ANKMY1: variants seen among roughly 807,000 people sequenced by gnomAD.
The protein encoded by ANKMY1 is ankyrin repeat and MYND domain-containing protein 1.
Under a neutral mutation model 102.0 loss-of-function variants are expected in ANKMY1, and 98 were observed. That is an observed-to-expected ratio of 0.96 (90% CI 0.82 to 1.14). The LOEUF is 1.14. Ranked by LOEUF, ANKMY1 falls within the 50% of genes most tolerant of loss-of-function variation. ANKMY1 has a pLI of 0.00. For synonymous variants in ANKMY1, 582 were observed against 559.9 expected, an observed-to-expected ratio of 1.04 and a Z score of -0.56; for missense variants, 1,330 against 1,347.6, an observed-to-expected ratio of 0.99 and a Z score of 0.20.
rs79780037 is a variant in ANKMY1 at position 240,499,285 on chromosome 2, C to G, written c.2806+673G>C. On this transcript the variant is annotated intron_variant, in intron 15 of 17. Transcript: ENST00000401804. This position sits in a 1 kb window ranked among gnomAD's most constrained non-coding sequence, Gnocchi z 4.2. ...AGTGTGTGTGGATGTGTAAGTGGGT[C>G]TGTGTGTGCGAGGTAGACAAGAGTA... is the stretch of plus-strand genomic sequence containing the variant. Among the ~76,000 whole-genome samples, 10,735 of 146,024 alleles carry G rather than the reference C, an allele frequency of 0.074. 472 individuals are homozygous for G. The highest frequency in any genetic ancestry group is 0.16 in the South Asian group (724 of 4,398).
At chr2:240,473,270 C>T in the ANKMY1 span, among the ~76,000 whole-genome samples, 1 of 148,330 alleles carries the variant, frequency 6.7e-6, no homozygotes, top group African/African-American at 2.5e-5. Flanking sequence ...ATAACTGAGA[C>T]AACCAAAAAA....
chr2:240,482,218 G>A lies in ANKMY1; in HGVS notation c.2850C>T (p.Ser950=). The A allele has an allele frequency of 6.2e-7, 1 of 1,612,918 alleles. No homozygotes were observed. Among genetic ancestry groups the A allele is most frequent in the South Asian group, 1.1e-5 (1 of 90,776 alleles). The part of the protein sequence containing the change: ...PSHRMKKKGP[S]LPRGLDVKEQ... ...CCTTCACATCCAGGCCCCTGGGCAG[G>A]CTGGGGCCCTTCTTCTTCATCCTGT... The change falls in exon 16 of 18, where the codon AGC becomes AGT. Residue 950 remains serine (S), a synonymous_variant. Coordinates refer to ENST00000401804, the MANE Select transcript of ANKMY1 (RefSeq NM_001282771.3).
intron 8 of ANKMY1, among the ~76,000 whole-genome samples, chr2:240,521,106 G>T (rs1017443781): frequency 3.9e-5 from 6 of 152,008 alleles, no homozygotes; most frequent in South Asian, 2.1e-4. Context: ...GTGGGTGGGG[G>T]TTGTGCAGCC....
At position 240,520,304 on chromosome 2, in the gene ANKMY1, G is replaced by A. The variant is rs558374228; in HGVS notation, c.2004+58C>T. 1.3e-5 allele frequency: 20 copies of A among 1,489,746 alleles called. No individual in the cohort carries two copies. In the African/African-American group the frequency reaches 2.2e-4, roughly 17 times the overall value. 92.3% of individuals were successfully genotyped at this position (1,489,746 alleles called of 1,614,324 possible). ...GCCTAGGTGGAGCGAGGAGCTTCCC[G>A]GCCAGTGCCCGGGAGTCTGCTGCGC... is the stretch of plus-strand genomic sequence containing the variant. On this transcript the variant is annotated intron_variant, in intron 9 of 17. Coordinates refer to ENST00000401804, the MANE Select transcript of ANKMY1 (RefSeq NM_001282771.3). This position sits in a 1 kb window ranked among gnomAD's most constrained non-coding sequence, Gnocchi z 4.8.
chr2:240,536,499 T>C (rs946418330), intron 4 of ANKMY1, among the ~76,000 whole-genome samples: 2 of 152,176 alleles, frequency 1.3e-5, no homozygotes, highest in Non-Finnish European at 2.9e-5. Flanking sequence ...CACAGTGCAA[T>C]GCCACTGCAT....
Position 240,526,386 on chromosome 2 carries a change from C to T in ANKMY1, c.1013G>A (p.Gly338Asp). ...CTCTTTGGGCCCACAGGGTGCAAAG[C>T]CACTGCGCTTCCCCTCCAGGATGGC... ...MGAILEGKRS[G>D]FAPCGPKEQL... is the part of the protein sequence containing the mutation. Residue 338 changes from glycine (G) to aspartate (D), a missense_variant, in exon 6 of 18, where the codon GGC (glycine) becomes GAC (aspartate). Physicochemically the swap from Gly to Asp is moderately conservative, Grantham distance 94. Coordinates refer to ENST00000401804, the MANE Select transcript of ANKMY1 (RefSeq NM_001282771.3). 1 of 1,614,244 alleles carries T rather than the reference C, an allele frequency of 6.2e-7. No homozygotes were observed. Among genetic ancestry groups the T allele is most frequent in the South Asian group, 1.1e-5 (1 of 91,092 alleles).
intron 11 of ANKMY1, among the ~76,000 whole-genome samples, chr2:240,510,426 T>C (rs1301797068): frequency 6.6e-6 from 1 of 152,022 alleles, no homozygotes; most frequent in African/African-American, 2.4e-5. Flanking sequence ...AACGTCCCAT[T>C]GTGCAATCCT....
At chr2:240,500,300 G>A in intron 14 of ANKMY1, 152 bp downstream of exon 14, 1 of 1,118,418 alleles carries the variant, frequency 8.9e-7, no homozygotes, top group Non-Finnish European at 1.3e-6. Context: ...TCAGCACTTT[G>A]GGGGGTTCAC....
chr2:240,554,461 A>C (rs1016730794), intron 3 of ANKMY1: 1 of 164,900 alleles, frequency 6.1e-6, no homozygotes, highest in Non-Finnish European at 1.3e-5. Flanking sequence ...GCTGCATTGA[A>C]TGTGGGCTCA....
chr2:240,483,975 G>A (rs2075748847), intron 15 of ANKMY1, among the ~76,000 whole-genome samples: 1 of 152,148 alleles, frequency 6.6e-6, no homozygotes, highest in Non-Finnish European at 1.5e-5. Flanking sequence ...TAAGAATGGT[G>A]GTTTCCAGCT....
At chr2:240,533,070 T>C (rs7562123) in intron 4 of ANKMY1, among the ~76,000 whole-genome samples, 2 of 152,206 alleles carry the variant, frequency 1.3e-5, no homozygotes, top group Non-Finnish European at 2.9e-5. Context: ...TAAATGGAGT[T>C]AAAAAATAGT....
intron 4 of ANKMY1, among the ~76,000 whole-genome samples, chr2:240,537,128 T>A (rs767050376): frequency 2.6e-5 from 4 of 152,178 alleles, no homozygotes; most frequent in Non-Finnish European, 5.9e-5. Context: ...AATGTGAGGT[T>A]GGCTAAAGTG....
chr2:240,530,688 T>C (rs947536056), intron 4 of ANKMY1, among the ~76,000 whole-genome samples: 1 of 152,076 alleles, frequency 6.6e-6, no homozygotes, highest in African/African-American at 2.4e-5. Context: ...CGCCTGAGCA[T>C]CCAAAAAGAG....
At position 240,499,403 on chromosome 2, in the gene ANKMY1, G is replaced by C. The variant is rs1168015315; in HGVS notation, c.2806+555C>G. Among the ~76,000 whole-genome samples the C allele has an allele frequency of 6.9e-6, 1 of 144,638 alleles. No homozygotes were observed. Among genetic ancestry groups the C allele is most frequent in the Non-Finnish European group, 1.5e-5 (1 of 65,546 alleles). The allele number at this position is 144,638 out of a possible 152,430, so 94.9% of individuals were successfully genotyped here. A position where few individuals can be genotyped will look rare whatever the true frequency, so the allele number is the denominator to read the frequency against. ...GGGGGTAGGGAGTGACTATGTGGGG[G>C]TGGGGGTGACCAGGTGGGTGGGAGG... On this transcript the variant is annotated intron_variant, in intron 15 of 17. Transcript: ENST00000401804. This position sits in a 1 kb window ranked among gnomAD's most constrained non-coding sequence, Gnocchi z 4.2.
intron 4 of ANKMY1, among the ~76,000 whole-genome samples, chr2:240,533,496 T>C (rs931011705): frequency 6.6e-6 from 1 of 152,222 alleles, no homozygotes; most frequent in Non-Finnish European, 1.5e-5. Context: ...CTTTCTAAAA[T>C]ATCATTTCAA....
chr2:240,557,219 G>T lies in ANKMY1; in HGVS notation c.117C>A (p.Ser39=). 6.3e-7 allele frequency: 1 copy of T among 1,575,340 alleles called. No individual in the cohort carries two copies. Among genetic ancestry groups the T allele is most frequent in the Non-Finnish European group, 8.6e-7 (1 of 1,159,134 alleles). The change falls in exon 2 of 18, where the codon TCC becomes TCA. Residue 39 remains serine, a synonymous_variant. Transcript: ENST00000401804. ...TGGCGAAGACAGCGTAGTTCTTCAG[G>T]GACCCCGGCTCCTCGGCAGCAGGGG... ...GETPAAEEPG[S]LKNYAVFATR...
At position 240,520,392 on chromosome 2, in the gene ANKMY1, C is replaced by T. The variant is rs1397476895; in HGVS notation, c.1974G>A (p.Gly658=). 6.3e-7 allele frequency: 1 copy of T among 1,587,804 alleles called. No individual in the cohort carries two copies. The highest frequency in any genetic ancestry group is 1.3e-5 in the African/African-American group (1 of 74,396). Residue 658 remains glycine, a synonymous_variant, in exon 9 of 18, where the codon GGG becomes GGA. Coordinates refer to ENST00000401804, the MANE Select transcript of ANKMY1 (RefSeq NM_001282771.3). The surrounding 1 kb of genome is among the most constrained non-coding windows in gnomAD (Gnocchi z 4.8). ...VDGVRLLLEH[G]ARTDICFPPQ... ...GCGGAAAGCAGATGTCGGTCCTCGC[C>T]CCGTGCTCCAGCAGCAGCCTCACCC... is the stretch of plus-strand genomic sequence containing the variant.
chr2:240,500,523 C>T lies in ANKMY1; in HGVS notation c.2569G>A (p.Val857Ile), dbSNP rs1201418908. Residue 857 changes from valine (V) to isoleucine (I), a missense_variant, in exon 14 of 18, where the codon GTA becomes ATA. Physicochemically the swap from Val to Ile is conservative, Grantham distance 29 (BLOSUM62 3). Coordinates refer to ENST00000401804, the MANE Select transcript of ANKMY1 (RefSeq NM_001282771.3). ...TCCTTTTCTCCCTGCCTGAGCATTA[C>T]AGGCTTCAGGATGTCGGCCCCGTGA... ...ISHGADILKP[V>I]MLRQGEKEAV... The T allele has an allele frequency of 6.2e-7, 1 of 1,614,160 alleles. No individual in the cohort carries two copies. The highest frequency in any genetic ancestry group is 1.1e-5 in the South Asian group (1 of 91,088).
rs1435696778 is a variant in ANKMY1, at chr2:240,499,396, T to C, written c.2806+562A>G. 7.2e-5 allele frequency among the ~76,000 whole-genome samples: 1 copy of C among 13,834 alleles called. No individual in the cohort carries two copies. The highest frequency in any genetic ancestry group is 1.4e-4 in the Non-Finnish European group (1 of 7,134). The allele number at this position is 13,834 out of a possible 152,430, so 9.1% of individuals were successfully genotyped here. On this transcript the variant is annotated intron_variant, in intron 15 of 17. Coordinates refer to ENST00000401804, the MANE Select transcript of ANKMY1 (RefSeq NM_001282771.3). This position sits in a 1 kb window ranked among gnomAD's most constrained non-coding sequence, Gnocchi z 4.2. The stretch of plus-strand genomic sequence containing the variant: ...GGGATGTGGGGGTAGGGAGTGACTA[T>C]GTGGGGGTGGGGGTGACCAGGTGGG...
Sources: gnomAD v4.1 joint callset for allele counts (sites outside exome capture counted in the v4.1 genomes callset) on GRCh38, gnomAD v4.1.1 for gene constraint, Gnocchi (gnomAD v3.1) non-coding constraint, MANE v1.5 for transcripts, NCBI Gene and HGNC (gene_info 2026-07-23, HGNC 2026-07-21) for gene names.